Variants in NEK10 observed in about 807,000 individuals in gnomAD.
The protein encoded by NEK10 is serine/threonine-protein kinase Nek10.
NEK10 carries 122 observed loss-of-function variants against 159.8 expected under a neutral mutation model. The observed-to-expected ratio is 0.76, with a 90% CI of 0.66 to 0.89. The LOEUF is 0.89. NEK10 is among the 40% of genes least tolerant of loss of function. The pLI is 0.00. For missense variants in NEK10, 1,342 were observed against 1,323.1 expected, an observed-to-expected ratio of 1.01 and a Z score of -0.22; for synonymous variants, 466 against 457.1, an observed-to-expected ratio of 1.02 and a Z score of -0.25.
At chr3:27,249,667 T>C (rs1955454152) in intron 23 of NEK10, among the ~76,000 whole-genome samples, 1 of 152,308 alleles carries the variant, frequency 6.6e-6, no homozygotes, top group East Asian at 1.9e-4. Flanking sequence ...TAGTTTTTTG[T>C]CCACTGGGCC....
rs765884651 is a variant in NEK10 at position 27,202,479 on chromosome 3, C to T, written c.2169G>A (p.Ala723=). 8.1e-6 allele frequency: 13 copies of T among 1,613,464 alleles called. No homozygotes were observed. The highest frequency in any genetic ancestry group is 4.5e-5 in the East Asian group (2 of 44,840). The part of the protein sequence containing the change: ...WAVGCILYQM[A]TLSPPFYSTN... ...TGCTGTAGAAGGGGGGACTCAAAGTCGCCATCTGATAAAGGATGCAGCCTA... is the reference window on the plus strand; with the variant it reads ...TGCTGTAGAAGGGGGGACTCAAAGTTGCCATCTGATAAAGGATGCAGCCTA... The change falls in exon 24 of 36, where the codon GCG becomes GCA. Residue 723 remains alanine, a synonymous_variant. Transcript: ENST00000691995.
intron 13 of NEK10, among the ~76,000 whole-genome samples, chr3:27,298,927 T>C (rs1306400903): frequency 6.6e-6 from 1 of 152,128 alleles, no homozygotes; most frequent in Admixed American, 6.5e-5. Context: ...TGAATGCTAT[T>C]AAAGGCATTG....
chr3:27,130,409 G>A (rs1942477518), intron 32 of NEK10, among the ~76,000 whole-genome samples: 1 of 152,182 alleles, frequency 6.6e-6, no homozygotes, highest in Admixed American at 6.5e-5. Context: ...AAGACAAGGA[G>A]TGGGTGGGAG....
intron 6 of NEK10, among the ~76,000 whole-genome samples, chr3:27,319,838 T>C (rs1439654958): frequency 2.0e-5 from 3 of 152,046 alleles, no homozygotes; most frequent in Admixed American, 6.6e-5. Context: ...GAGGATGATA[T>C]AATTTGATGA....
intron 22 of NEK10, among the ~76,000 whole-genome samples, chr3:27,276,602 A>G (rs113549804): frequency 0.012 from 1,754 of 152,278 alleles, 10 homozygotes; most frequent in South Asian, 0.021. Flanking sequence ...CCAGAAGAAG[A>G]GCATAATTAG....
chr3:27,147,243 C>G lies in NEK10; in HGVS notation c.2870-5661G>C, dbSNP rs146938136. On this transcript the variant is annotated intron_variant, in intron 30 of 35. Coordinates refer to ENST00000691995, the MANE Select transcript of NEK10 (RefSeq NM_001394966.1). The stretch of plus-strand genomic sequence containing the variant: ...CTGTTTCCACATGGGGAGCAGGAGC[C>G]AAGGACTGCTGAAGCTTGGGACTGA... Among the ~76,000 whole-genome samples, 11 of 152,206 alleles carry G rather than the reference C, an allele frequency of 7.2e-5. No homozygotes were observed. The East Asian group carries it at 1.9e-3, about 27-fold the overall frequency.
At chr3:27,322,764 A>C (rs1473241959) in intron 5 of NEK10, among the ~76,000 whole-genome samples, 1 of 152,070 alleles carries the variant, frequency 6.6e-6, no homozygotes, top group Non-Finnish European at 1.5e-5. Context: ...TCCCCCTTTC[A>C]TAGAGTACTT....
chr3:27,148,508 G>A (rs766175856), intron 30 of NEK10, among the ~76,000 whole-genome samples: 4 of 152,104 alleles, frequency 2.6e-5, no homozygotes, highest in Non-Finnish European at 5.9e-5. Flanking sequence ...TGATATCCAG[G>A]TTTCTTCTTC....
chr3:27,129,078 A>T (rs953350254), intron 32 of NEK10, among the ~76,000 whole-genome samples: 1 of 152,064 alleles, frequency 6.6e-6, no homozygotes, highest in East Asian at 1.9e-4. Context: ...CCTTTCCTCC[A>T]TGCTGAAAAT....
chr3:27,365,607 T>G (rs1428985284), intron 1 of NEK10, among the ~76,000 whole-genome samples: 1 of 74,526 alleles, frequency 1.3e-5, no homozygotes, highest in African/African-American at 4.2e-5. Context: ...GTTTTTTTTT[T>G]GTGTTTTTTT....
At chr3:27,209,861 C>A (rs1180035204) in intron 23 of NEK10, among the ~76,000 whole-genome samples, 1 of 144,076 alleles carries the variant, frequency 6.9e-6, no homozygotes, top group African/African-American at 2.5e-5. Context: ...CCACAGAAAT[C>A]TTCTTGAAAA....
At chr3:27,167,129 C>A (rs185661527) in intron 29 of NEK10, among the ~76,000 whole-genome samples, 1 of 151,284 alleles carries the variant, frequency 6.6e-6, no homozygotes, top group Non-Finnish European at 1.5e-5. Flanking sequence ...GGCAAGCAGA[C>A]GTGGAGAAAT....
At chr3:27,338,111 C>T (rs577238110) in intron 5 of NEK10, among the ~76,000 whole-genome samples, 5 of 152,222 alleles carry the variant, frequency 3.3e-5, no homozygotes, top group East Asian at 1.9e-4. Context: ...CAACAGGCTC[C>T]GGTATGTGAT....
In NEK10 at chr3:27,110,006, C is replaced by A. The variant is rs1297464631; in HGVS notation, c.*1266G>T. 1 of 152,030 alleles carries A rather than the reference C, an allele frequency of 6.6e-6. No homozygotes were observed. Among genetic ancestry groups the A allele is most frequent in the Admixed American group, 6.6e-5 (1 of 15,256 alleles). The allele number at this position is 152,030 out of a possible 1,614,324, so 9.4% of individuals were successfully genotyped here. ...AGAAAGAAGGTTATGGTCTTTCAAC[C>A]ACTGTAAATACATTGAACTAAAATC... On this transcript the variant is annotated 3_prime_UTR_variant, in exon 36 of 36. Coordinates refer to ENST00000691995, the MANE Select transcript of NEK10 (RefSeq NM_001394966.1).
At chr3:27,207,971 A>G (rs1950663740) in intron 23 of NEK10, among the ~76,000 whole-genome samples, 1 of 152,150 alleles carries the variant, frequency 6.6e-6, no homozygotes, top group Admixed American at 6.5e-5. Context: ...ATTATAATTC[A>G]TTGTACAGCA....
chr3:27,247,026 A>G (rs1955143777), intron 23 of NEK10, among the ~76,000 whole-genome samples: 1 of 152,132 alleles, frequency 6.6e-6, no homozygotes, highest in South Asian at 2.1e-4. Context: ...TTTTCCAAAT[A>G]TAAGATCAGG....
intron 29 of NEK10, among the ~76,000 whole-genome samples, chr3:27,163,274 G>C (rs531209894): frequency 2.6e-5 from 4 of 152,086 alleles, no homozygotes; most frequent in African/African-American, 9.6e-5. Context: ...CTTCTACTCT[G>C]TGGAGGTGGC....
chr3:27,344,414 G>T, intron 4 of NEK10, 44 bp from the exon 5 acceptor site: 1 of 1,058,822 alleles, frequency 9.4e-7, no homozygotes, highest in Non-Finnish European at 1.4e-6. Context: ...TAGAGATCAG[G>T]CTGTCTCAAA....
intron 15 of NEK10, among the ~76,000 whole-genome samples, chr3:27,294,117 T>C (rs962618528): frequency 6.6e-6 from 1 of 152,224 alleles, no homozygotes; most frequent in South Asian, 2.1e-4. Context: ...ACTTGACAAA[T>C]TGGTCTCTTG....
Sources: allele counts gnomAD v4.1 joint callset (sites outside exome capture counted in the v4.1 genomes callset), GRCh38; gene constraint gnomAD v4.1.1; transcripts MANE v1.5; gene names NCBI Gene and HGNC (gene_info 2026-07-23, HGNC 2026-07-21).